ABCB1: variants seen among roughly 807,000 people sequenced by gnomAD.
ABCB1 encodes the protein ATP binding cassette subfamily B member 1, also known as ATP-dependent translocase ABCB1.
ABCB1 carries 69 observed loss-of-function variants against 142.0 expected under a neutral mutation model. The ratio of observed to expected loss-of-function variants is 0.49; its 90% CI spans 0.40 to 0.59. The LOEUF (loss-of-function observed/expected upper bound fraction) is 0.59. Ranked by LOEUF, ABCB1 falls within the 20% of genes least tolerant of loss-of-function variation. The pLI is 0.00. For missense variants in ABCB1, 1,326 were observed against 1,554.7 expected (o/e 0.85, Z 2.47); for synonymous variants, 532 against 539.2 (o/e 0.99, Z 0.18).
intron 1 of ABCB1, among the ~76,000 whole-genome samples, chr7:87,706,481 A>G (rs568325417): frequency 1.3e-4 from 20 of 152,330 alleles, no homozygotes; most frequent in African/African-American, 4.6e-4. Context: ...AATATCTTGT[A>G]TCAGAGGGAC....
intron 8 of ABCB1, 86 bp from the exon 9 acceptor site, chr7:87,554,018 G>T: frequency 7.9e-7 from 1 of 1,262,908 alleles, no homozygotes; most frequent in Non-Finnish European, 1.1e-6. Flanking sequence ...GCTAGGATGT[G>T]TTCAGTCCTG....
chr7:87,596,206 CTTAA>C (rs1257995819), intron 2 of ABCB1, among the ~76,000 whole-genome samples: 6 of 151,994 alleles, frequency 3.9e-5, no homozygotes, highest in Non-Finnish European at 4.4e-5. Context: ...TATGAATCCC[CTTAA>C]TTGTCATTTG....
At chr7:87,635,523 A>G (rs946643768) in intron 1 of ABCB1, among the ~76,000 whole-genome samples, 6 of 152,320 alleles carry the variant, frequency 3.9e-5, no homozygotes, top group Admixed American at 2.6e-4. Context: ...TCTTAGTGTC[A>G]AGTCTGTAGT....
At chr7:87,532,526 A>G (rs1485952897) in intron 20 of ABCB1, among the ~76,000 whole-genome samples, 2 of 152,306 alleles carry the variant, frequency 1.3e-5, no homozygotes, top group South Asian at 4.1e-4. Flanking sequence ...ATGTATTAGC[A>G]TGCTCAAAGA....
At chr7:87,651,006 T>G (rs1292764352) in intron 1 of ABCB1, 1 of 884,132 alleles carries the variant, frequency 1.1e-6, no homozygotes, top group Non-Finnish European at 1.8e-6. Flanking sequence ...ATTTTAGAAA[T>G]CATACAGTCT....
Position 87,565,078 on chromosome 7 carries a change from C to T in ABCB1, c.702+992G>A, listed in dbSNP as rs115196453. On this transcript the variant is annotated intron_variant, in intron 7 of 27. Coordinates refer to ENST00000622132, the MANE Select transcript of ABCB1 (RefSeq NM_001348946.2). Reference sequence around the variant, plus strand: ...TCTTTCTCTGTAAAGTGAGATAATACCTATACTTCAGAAAGATAACACAGG... The same window carrying T: ...TCTTTCTCTGTAAAGTGAGATAATATCTATACTTCAGAAAGATAACACAGG... 2.3e-3 allele frequency among the ~76,000 whole-genome samples: 349 copies of T among 152,230 alleles called. 1 individual carries two copies. Among genetic ancestry groups the T allele is most frequent in the African/African-American group, 7.0e-3 (290 of 41,530 alleles).
chr7:87,523,420 G>A lies in ABCB1; in HGVS notation c.2686-2544C>T, dbSNP rs192404640. On this transcript the variant is annotated intron_variant, in intron 21 of 27. Coordinates refer to ENST00000622132, the MANE Select transcript of ABCB1 (RefSeq NM_001348946.2). ...AGGCAGGTGGATCATTTGAAGTAAG[G>A]AGTTTGAGACCAGCCACCATCAACA... 4.1e-3 allele frequency among the ~76,000 whole-genome samples: 628 copies of A among 152,220 alleles called. 2 individuals are homozygous for A. The highest frequency in any genetic ancestry group is 0.012 in the Admixed American group (180 of 15,296).
intron 2 of ABCB1, among the ~76,000 whole-genome samples, chr7:87,596,198 T>C (rs545053539): frequency 1.3e-5 from 2 of 152,204 alleles, no homozygotes; most frequent in East Asian, 3.9e-4. Context: ...CCCTTAATTA[T>C]GAATCCCCTT....
intron 1 of ABCB1, among the ~76,000 whole-genome samples, chr7:87,651,742 T>G (rs1018620125): frequency 2.0e-5 from 3 of 152,154 alleles, no homozygotes; most frequent in African/African-American, 7.2e-5. Flanking sequence ...TTCTATTCTG[T>G]ACTTTTTGAT....
chr7:87,509,232 G>A (rs1269897211), intron 26 of ABCB1, 43 bp downstream of exon 26: 3 of 1,594,568 alleles, frequency 1.9e-6, no homozygotes, highest in Admixed American at 1.7e-5. Context: ...GGCCAGAGAG[G>A]CTGCCACATG....
chr7:87,601,648 T>G (rs1340422552), upstream of ABCB1, among the ~76,000 whole-genome samples: 1 of 152,246 alleles, frequency 6.6e-6, no homozygotes, highest in South Asian at 2.1e-4. Flanking sequence ...ACTATTTACT[T>G]CAAACTGAGG....
chr7:87,641,960 AT>A lies in ABCB1; in HGVS notation c.-330-40883del, dbSNP rs1422420589. On this transcript the variant is annotated intron_variant, in intron 1 of 28. Transcript: ENST00000265724. ...AAATTAATATTAATAACAATTTAAA[AT>A]TTTCATAAATCAATCACAAAACATC... Among the ~76,000 whole-genome samples the A allele has an allele frequency of 6.6e-5, 10 of 152,228 alleles. No individual in the cohort carries two copies. The East Asian group carries it at 1.9e-3, about 29-fold the overall frequency.
At chr7:87,635,349 A>T (rs528957474) in intron 1 of ABCB1, among the ~76,000 whole-genome samples, 3 of 152,310 alleles carry the variant, frequency 2.0e-5, no homozygotes, top group South Asian at 4.1e-4. Flanking sequence ...ATTGTCAAGG[A>T]CATTATTATG....
At chr7:87,681,570 C>G (rs1404524370) in intron 1 of ABCB1, among the ~76,000 whole-genome samples, 3 of 150,668 alleles carry the variant, frequency 2.0e-5, no homozygotes, top group Non-Finnish European at 2.9e-5. Context: ...CCTAATTAAA[C>G]TACTTTACTG....
chr7:87,542,277 T>C (rs1329027455), intron 17 of ABCB1, among the ~76,000 whole-genome samples: 4 of 152,230 alleles, frequency 2.6e-5, no homozygotes, highest in South Asian at 4.1e-4. Flanking sequence ...AATTACCAAA[T>C]TCTTACTCTA....
intron 23 of ABCB1, chr7:87,518,839 A>G (rs2117093107): frequency 6.3e-6 from 1 of 159,744 alleles, no homozygotes; most frequent in Middle Eastern, 3.4e-3. Context: ...AAATCCCAAT[A>G]TAACTTTTCC....
intron 21 of ABCB1, chr7:87,522,385 C>T: frequency 1.4e-6 from 1 of 703,632 alleles, no homozygotes; most frequent in East Asian, 2.8e-5. Context: ...CCAGTAGCAG[C>T]AGTAGCTACA....
At chr7:87,554,075 A>G (rs937364790) in intron 8 of ABCB1, 143 bp from the exon 9 acceptor site, 2 of 734,854 alleles carry the variant, frequency 2.7e-6, no homozygotes, top group Non-Finnish European at 4.6e-6. Context: ...GACCCTATAT[A>G]GTAGTACTGT....
At chr7:87,639,614 T>C (rs1822225885) in intron 1 of ABCB1, among the ~76,000 whole-genome samples, 1 of 152,168 alleles carries the variant, frequency 6.6e-6, no homozygotes, top group South Asian at 2.1e-4. Context: ...TCCTAGTAGT[T>C]TGATTCATTG....
Sources: allele counts gnomAD v4.1 joint callset (sites outside exome capture counted in the v4.1 genomes callset), GRCh38; gene constraint gnomAD v4.1.1; transcripts MANE v1.5; gene names NCBI Gene and HGNC (gene_info 2026-07-23, HGNC 2026-07-21).